Variants in REV3L observed in about 807,000 individuals in gnomAD.
REV3L encodes the protein REV3 like, DNA directed polymerase zeta catalytic subunit.
In REV3L, 69 loss-of-function variants were observed where a neutral mutation model predicts 299.4. That is an observed-to-expected ratio of 0.23 (90% CI 0.19 to 0.28). The LOEUF (loss-of-function observed/expected upper bound fraction) is 0.28. Ranked by LOEUF, REV3L falls within the 10% of genes least tolerant of loss-of-function variation. The probability of loss-of-function intolerance (pLI) is 1.00; values close to 1 mark genes in which losing one functional copy is unlikely to be tolerated. For missense variants in REV3L, 3,128 were observed against 3,693.8 expected, an observed-to-expected ratio of 0.85 and a Z score of 3.97; for synonymous variants, 1,238 against 1,271.4, an observed-to-expected ratio of 0.97 and a Z score of 0.56.
chr6:111,372,166 C>T (rs1361327775), intron 13 of REV3L, among the ~76,000 whole-genome samples: 1 of 152,182 alleles, frequency 6.6e-6, no homozygotes, highest in Non-Finnish European at 1.5e-5. Context: ...CAGAGGAATA[C>T]TTAAAACACA....
chr6:111,367,187 T>A lies in REV3L; in HGVS notation c.6601A>T (p.Ser2201Cys). 6.2e-7 allele frequency: 1 copy of A among 1,613,910 alleles called. No homozygotes were observed. Among genetic ancestry groups the A allele is most frequent in the Non-Finnish European group, 8.5e-7 (1 of 1,179,896 alleles). ...TGKCESLCFH[S>C]TPIIQRKLLE... Reference sequence around the variant, plus strand: ...AGTTTTCTCTGTATGATTGGTGTACTATGAAAGCAAAGTGATTCACATTTC... The same window carrying A: ...AGTTTTCTCTGTATGATTGGTGTACAATGAAAGCAAAGTGATTCACATTTC... Residue 2201 changes from serine (S) to cysteine (C), a missense_variant, in exon 14 of 32, where the codon AGT becomes TGT. Ser to Cys is a moderately radical substitution (Grantham distance 112). Transcript: ENST00000368802.
chr6:111,465,756 A>ACAAACAAACAAACAAAAAAAAC (rs199912630), intron 1 of REV3L, among the ~76,000 whole-genome samples: 60 of 146,998 alleles, frequency 4.1e-4, no homozygotes, highest in Admixed American at 9.7e-4. Context: ...AAAAAAAAAA[A>ACAAACAAACAAACAAAAAAAAC]AAAAAAAAAA....
intron 9 of REV3L, among the ~76,000 whole-genome samples, chr6:111,383,121 C>T (rs1375545043): frequency 6.6e-6 from 1 of 152,178 alleles, no homozygotes; most frequent in Non-Finnish European, 1.5e-5. Context: ...CTGCAGGCCT[C>T]GGGTGAGACC....
At chr6:111,303,696 TATGAC>T (rs1562475948) in intron 31 of REV3L, among the ~76,000 whole-genome samples, 1,372 of 42,374 alleles carry the variant, frequency 0.032, 32 homozygotes, top group East Asian at 0.078. Context: ...TTTAACAGAC[TATGAC>T]TTTTTTTTTT....
rs1207075220 is a variant in REV3L at position 111,305,044 on chromosome 6, C to T, written c.9252+2317G>A. Among the ~76,000 whole-genome samples, 8 of 151,658 alleles carry T rather than the reference C, an allele frequency of 5.3e-5. No individual in the cohort carries two copies. In the East Asian group the frequency reaches 5.8e-4, roughly 11 times the overall value. ...GCAACCTCTGCCTCCCAGGTTCAAGCGATTCTCCTGCCTCAGCCTCCTGAG... is the reference window on the plus strand; with the variant it reads ...GCAACCTCTGCCTCCCAGGTTCAAGTGATTCTCCTGCCTCAGCCTCCTGAG... On this transcript the variant is annotated intron_variant, in intron 31 of 31. Coordinates refer to ENST00000368802, the MANE Select transcript of REV3L (RefSeq NM_001372078.1).
rs973117277 is a variant in REV3L at position 111,483,047 on chromosome 6, G to A, written c.-159C>T. On this transcript the variant is annotated 5_prime_UTR_variant, in exon 1 of 32. Coordinates refer to ENST00000368802, the MANE Select transcript of REV3L (RefSeq NM_001372078.1). ...ACCTCGAGGAGCGGCGGGCGGGGCG[G>A]TGTAGGCGCTGCTGCCGCCGCCTCC... 1.1e-6 allele frequency: 1 copy of A among 916,096 alleles called. No individual in the cohort carries two copies. The highest frequency in any genetic ancestry group is 1.5e-6 in the Non-Finnish European group (1 of 669,694). 56.7% of individuals were successfully genotyped at this position (916,096 alleles called of 1,614,324 possible).
chr6:111,440,983 GAAGT>G (rs1306278095), intron 1 of REV3L, among the ~76,000 whole-genome samples: 2 of 152,132 alleles, frequency 1.3e-5, no homozygotes, highest in Non-Finnish European at 2.9e-5. Flanking sequence ...TCTTCACATA[GAAGT>G]AAGGTGGGTT....
In REV3L at chr6:111,377,549, C is replaced by T. The variant is rs17510831; in HGVS notation, c.1597+152G>A. ...CGGGGGTCCCACTACGTTGCCTAGG[C>T]TGGTCTCGAACTCCTGAATTCAAGT... is the stretch of plus-strand genomic sequence containing the variant. On this transcript the variant is annotated intron_variant, in intron 12 of 31. Transcript: ENST00000368802. 6.4e-4 allele frequency: 473 copies of T among 739,386 alleles called. 5 individuals are homozygous for T. The East Asian group carries it at 8.8e-3, about 14-fold the overall frequency. 45.8% of individuals were successfully genotyped at this position (739,386 alleles called of 1,614,324 possible). A position where few individuals can be genotyped will look rare whatever the true frequency, so the allele number is the denominator to read the frequency against.
chr6:111,309,555 T>G, intron 30 of REV3L: 1 of 211,470 alleles, frequency 4.7e-6, no homozygotes, highest in Non-Finnish European at 9.3e-6. Context: ...GGTCTCGGGT[T>G]TTTATAGGCC....
At chr6:111,336,306 T>TATAC in intron 21 of REV3L, among the ~76,000 whole-genome samples, 1 of 152,142 alleles carries the variant, frequency 6.6e-6, no homozygotes, top group Non-Finnish European at 1.5e-5. Flanking sequence ...GACCCAGAAG[T>TATAC]ATACTATAAG....
intron 1 of REV3L, among the ~76,000 whole-genome samples, chr6:111,482,236 G>A (rs1793797891): frequency 1.3e-5 from 2 of 152,180 alleles, no homozygotes; most frequent in Admixed American, 1.3e-4. Flanking sequence ...CTGCATCTCC[G>A]GAACTGGCAG....
intron 1 of REV3L, among the ~76,000 whole-genome samples, chr6:111,458,254 A>T (rs1399576871): frequency 6.6e-6 from 1 of 152,120 alleles, no homozygotes; most frequent in East Asian, 1.9e-4. Flanking sequence ...CTTCATGATA[A>T]AACCCCTCAA....
rs1307610024 is a variant in REV3L, at chr6:111,351,658, A to C, written c.7300+18T>G. On this transcript the variant is annotated intron_variant, in intron 19 of 31. Coordinates refer to ENST00000368802, the MANE Select transcript of REV3L (RefSeq NM_001372078.1). ...TTGCTCTGTAGTTGAATGACAAAAC[A>C]TTCACAATGACACATACCTGGCACC... The C allele has an allele frequency of 6.3e-7, 1 of 1,576,794 alleles. No homozygotes were observed. Among genetic ancestry groups the C allele is most frequent in the East Asian group, 2.2e-5 (1 of 44,618 alleles).
At chr6:111,461,163 T>C (rs556068656) in intron 1 of REV3L, among the ~76,000 whole-genome samples, 2 of 152,198 alleles carry the variant, frequency 1.3e-5, no homozygotes, top group South Asian at 4.1e-4. Context: ...AAGAAGGAAC[T>C]GTTATCATAG....
chr6:111,451,525 A>G lies in REV3L; in HGVS notation c.139+31225T>C, dbSNP rs541344977. 2.6e-5 allele frequency among the ~76,000 whole-genome samples: 4 copies of G among 152,282 alleles called. No individual in the cohort carries two copies. In the South Asian group the frequency reaches 6.2e-4, roughly 24 times the overall value. ...AGCAATTATCCCTGGGCAGATACCA[A>G]CTATAACCAGGAGGTCAGAAATTAA... On this transcript the variant is annotated intron_variant, in intron 1 of 31. Transcript: ENST00000368802.
chr6:111,365,982 G>C (rs17510992), intron 14 of REV3L, among the ~76,000 whole-genome samples: 1,749 of 152,266 alleles, frequency 0.011, 14 homozygotes, highest in South Asian at 0.044. Flanking sequence ...AAAGTAGATA[G>C]ATCTGGGTTA....
At chr6:111,422,679 C>CCT (rs1562288175) in intron 1 of REV3L, among the ~76,000 whole-genome samples, 1 of 24,948 alleles carries the variant, frequency 4.0e-5, no homozygotes, top group African/African-American at 1.3e-4. Flanking sequence ...TATATATATA[C>CCT]GTATATATAT....
chr6:111,426,585 G>C (rs1489604388), intron 1 of REV3L, among the ~76,000 whole-genome samples: 11 of 152,148 alleles, frequency 7.2e-5, no homozygotes, highest in Non-Finnish European at 1.5e-5. Context: ...GGCATAAATG[G>C]GTTAAGGGCC....
intron 4 of REV3L, among the ~76,000 whole-genome samples, 154 bp from the exon 5 acceptor site, chr6:111,393,126 C>T (rs1782109854): frequency 6.6e-6 from 1 of 152,030 alleles, no homozygotes; most frequent in African/African-American, 2.4e-5. Context: ...CAAGCTCCAC[C>T]TCCCAGGTTC....
Sources: allele counts gnomAD v4.1 joint callset (sites outside exome capture counted in the v4.1 genomes callset), GRCh38; gene constraint gnomAD v4.1.1; transcripts MANE v1.5; gene names NCBI Gene and HGNC (gene_info 2026-07-23, HGNC 2026-07-21).